ERCC6L2: variants seen among roughly 807,000 people sequenced by gnomAD.
ERCC6L2 encodes the protein ERCC excision repair 6 like 2.
A neutral mutation model predicts 132.0 loss-of-function variants in ERCC6L2; 77 were observed. The ratio of observed to expected loss-of-function variants is 0.58; its 90% CI spans 0.49 to 0.71. The LOEUF is 0.71. Ranked by LOEUF, ERCC6L2 falls within the 30% of genes least tolerant of loss-of-function variation. ERCC6L2 has a pLI of 0.00. For missense variants in ERCC6L2, 1,542 were observed against 1,837.6 expected (o/e 0.84, Z 2.94); for synonymous variants, 583 against 632.4 (o/e 0.92, Z 1.17).
rs1470609524 is a variant in ERCC6L2 at position 95,972,307 on chromosome 9, T to C, written c.2556T>C (p.Asp852=). 1.5e-6 allele frequency: 2 copies of C among 1,295,886 alleles called. No homozygotes were observed. Among genetic ancestry groups the C allele is most frequent in the East Asian group, 1.1e-4 (2 of 17,982 alleles). The allele number at this position is 1,295,886 out of a possible 1,614,324, so 80.3% of individuals were successfully genotyped here. A position where few individuals can be genotyped will look rare whatever the true frequency, so the allele number is the denominator to read the frequency against. ...SLGTSKHQKL[D]NILNPKEKHI... ...GTACTTCAAAACATCAGAAATTAGA[T>C]AACATCCTAAATCCAAAAGAAAAGC... is the stretch of plus-strand genomic sequence containing the variant. Residue 852 remains aspartate, a synonymous_variant, in exon 16 of 19, where the codon GAT becomes GAC. Coordinates refer to ENST00000653738, the MANE Select transcript of ERCC6L2 (RefSeq NM_020207.7).
At chr9:96,027,635 C>CCCGT (rs1196221895) in intron 19 of ERCC6L2, 1 of 152,598 alleles carries the variant, frequency 6.6e-6, no homozygotes, top group Non-Finnish European at 1.5e-5. Flanking sequence ...CCAGCGCCCA[C>CCCGT]CCGTCCCCCC....
intron 13 of ERCC6L2, among the ~76,000 whole-genome samples, chr9:95,958,973 A>G (rs1275581201): frequency 2.6e-5 from 4 of 151,172 alleles, no homozygotes; most frequent in East Asian, 2.0e-4. Flanking sequence ...TATAGATTCA[A>G]TGCCATCCCC....
chr9:96,018,540 A>C (rs1391926966), downstream of ERCC6L2, among the ~76,000 whole-genome samples: 2 of 151,906 alleles, frequency 1.3e-5, no homozygotes, highest in Non-Finnish European at 2.9e-5. Flanking sequence ...AGCTCACTGC[A>C]GCCTCGACCT....
rs537240250 is a variant in ERCC6L2, at chr9:95,986,799, A to C, written c.3492+8584A>C. Among the ~76,000 whole-genome samples, 78 of 152,268 alleles carry C rather than the reference A, an allele frequency of 5.1e-4. 1 individual carries two copies. In the South Asian group the frequency reaches 0.015, roughly 29 times the overall value. Reference sequence around the variant, plus strand: ...GGCACAAGCCACCATGCCCAGCCTTATCTCTCTCCTTTTGTCAGGTATATT... The same window carrying C: ...GGCACAAGCCACCATGCCCAGCCTTCTCTCTCTCCTTTTGTCAGGTATATT... On this transcript the variant is annotated intron_variant, in intron 17 of 18. Coordinates refer to ENST00000653738, the MANE Select transcript of ERCC6L2 (RefSeq NM_020207.7).
chr9:95,976,305 T>C (rs1832669267), intron 16 of ERCC6L2, among the ~76,000 whole-genome samples: 1 of 152,120 alleles, frequency 6.6e-6, no homozygotes, highest in Non-Finnish European at 1.5e-5. Context: ...TTTTCCTCTT[T>C]ATTGGGCCCT....
intron 11 of ERCC6L2, among the ~76,000 whole-genome samples, chr9:95,940,193 C>T (rs538183259): frequency 6.8e-4 from 104 of 152,324 alleles, no homozygotes; most frequent in Non-Finnish European, 1.2e-3. Flanking sequence ...CATCCTCATT[C>T]AGCCTTTGCT....
chr9:95,891,986 A>G lies in ERCC6L2; in HGVS notation c.472-5863A>G, dbSNP rs554430097. On this transcript the variant is annotated intron_variant, in intron 2 of 18. Transcript: ENST00000653738. ...ATTTGCAAATATTTTCTCTCATTCT[A>G]TAGTTGTCTTTTTATTTGCTTGTTA... is the stretch of plus-strand genomic sequence containing the variant. 2.0e-4 allele frequency among the ~76,000 whole-genome samples: 31 copies of G among 152,168 alleles called. 1 individual carries two copies. The highest frequency in any genetic ancestry group is 1.2e-3 in the South Asian group (6 of 4,822).
chr9:96,033,251 GT>G (rs10638463), intron 19 of ERCC6L2, among the ~76,000 whole-genome samples: 66 of 147,748 alleles, frequency 4.5e-4, no homozygotes, highest in South Asian at 1.3e-3. Context: ...ATTCTGGGTT[GT>G]TTTTTTTTTT....
chr9:95,990,711 G>T (rs569536834), intron 17 of ERCC6L2, among the ~76,000 whole-genome samples: 116 of 152,248 alleles, frequency 7.6e-4, no homozygotes, highest in African/African-American at 2.7e-3. Context: ...CAGGCTCTGT[G>T]AGGGCCCTGC....
rs1834133689 is a variant in ERCC6L2 at position 96,014,381 on chromosome 9, T to C, written c.*1178T>C. ...AGAGGGCTTCCGTGTACTCAGGATG[T>C]AGAGTCATTGCTCAGAAGTGAACAA... On this transcript the variant is annotated 3_prime_UTR_variant, in exon 19 of 19. Transcript: ENST00000653738. 6.6e-6 allele frequency: 1 copy of C among 152,234 alleles called. No individual in the cohort carries two copies. The highest frequency in any genetic ancestry group is 1.5e-5 in the Non-Finnish European group (1 of 68,050). The allele number at this position is 152,234 out of a possible 1,614,324, so 9.4% of individuals were successfully genotyped here.
intron 17 of ERCC6L2, among the ~76,000 whole-genome samples, chr9:95,986,238 T>A (rs1833089527): frequency 1.3e-5 from 2 of 152,208 alleles, no homozygotes; most frequent in Admixed American, 1.3e-4. Flanking sequence ...CATCAAAAAT[T>A]GGGCTATATA....
Position 95,972,213 on chromosome 9 carries a change from A to T in ERCC6L2, c.2462A>T (p.Asp821Val). 7.7e-7 allele frequency: 1 copy of T among 1,304,246 alleles called. No individual in the cohort carries two copies. The highest frequency in any genetic ancestry group is 1.2e-5 in the South Asian group (1 of 81,024). The allele number at this position is 1,304,246 out of a possible 1,614,324, so 80.8% of individuals were successfully genotyped here. The part of the protein sequence containing the change: ...GNTASDDESS[D>V]EQPTCLSTEA... ...ACTGCCTCTGATGATGAAAGTTCTG[A>T]TGAGCAGCCCACATGCCTTTCAACA... The change falls in exon 16 of 19, where the codon GAT (aspartate) becomes GTT (valine). Residue 821 changes from aspartate to valine, a missense_variant. Asp to Val is a radical substitution (Grantham distance 152). This residue lies in a region of ERCC6L2 where 945 missense variants were observed against 1,105.2 expected (regional missense o/e 0.86). Transcript: ENST00000653738.
intron 19 of ERCC6L2, among the ~76,000 whole-genome samples, chr9:96,034,596 T>A (rs1478525950): frequency 1.3e-5 from 2 of 152,268 alleles, no homozygotes; most frequent in East Asian, 3.9e-4. Context: ...GCAAGTGAGA[T>A]GTAGAGGCCT....
At chr9:95,964,493 C>G (rs1000097738) in intron 13 of ERCC6L2, among the ~76,000 whole-genome samples, 2 of 152,114 alleles carry the variant, frequency 1.3e-5, no homozygotes, top group Non-Finnish European at 2.9e-5. Flanking sequence ...GTCAGATGTG[C>G]ACATCTTCAT....
At chr9:95,950,810 A>G (rs1205577382) in intron 12 of ERCC6L2, among the ~76,000 whole-genome samples, 2 of 152,202 alleles carry the variant, frequency 1.3e-5, no homozygotes, top group African/African-American at 2.4e-5. Context: ...TCAACAAACA[A>G]TAGAGCCCCA....
rs1442994230 is a variant in ERCC6L2, at chr9:95,972,275, T to A, written c.2524T>A (p.Ser842Thr). 2.3e-6 allele frequency: 3 copies of A among 1,303,442 alleles called. No homozygotes were observed. The East Asian group carries it at 1.7e-4, about 72-fold the overall frequency. The allele number at this position is 1,303,442 out of a possible 1,614,324, so 80.7% of individuals were successfully genotyped here. The change falls in exon 16 of 19, where the codon TCT (serine) becomes ACT (threonine). Residue 842 changes from serine (S) to threonine (T), a missense_variant. This residue lies in a region of ERCC6L2 where 945 missense variants were observed against 1,105.2 expected (regional missense o/e 0.86). Coordinates refer to ENST00000653738, the MANE Select transcript of ERCC6L2 (RefSeq NM_020207.7). ...KDAGCEKNQDSLGTSKHQKLD... is the reference protein window; with the variant it reads ...KDAGCEKNQDTLGTSKHQKLD... ...TGCTGGTTGTGAGAAAAATCAGGACTCTCTTGGTACTTCAAAACATCAGAA... is the reference window on the plus strand; with the variant it reads ...TGCTGGTTGTGAGAAAAATCAGGACACTCTTGGTACTTCAAAACATCAGAA...
At chr9:96,037,239 G>A (rs772921456) in intron 19 of ERCC6L2, among the ~76,000 whole-genome samples, 22 of 152,352 alleles carry the variant, frequency 1.4e-4, no homozygotes, top group Non-Finnish European at 1.8e-4. Flanking sequence ...CCGTCCCTGT[G>A]CGTGGAGAGG....
chr9:95,973,059 A>G lies in ERCC6L2; in HGVS notation c.3308A>G (p.Gln1103Arg). The change falls in exon 16 of 19, where the codon CAG becomes CGG. Residue 1103 changes from glutamine to arginine, a missense_variant. By Grantham distance (43) the Gln-to-Arg change is conservative (BLOSUM62 1). This residue lies in a region of ERCC6L2 where 442 missense variants were observed against 583.4 expected (regional missense o/e 0.76). Coordinates refer to ENST00000653738, the MANE Select transcript of ERCC6L2 (RefSeq NM_020207.7). ...AATGAGAAAGTTGTTAATCAAGAGC[A>G]GTCGTATGAATCAATGGATAAATTT... Reference protein sequence around the residue: ...CSNEKVVNQEQSYESMDKFLD... With the variant: ...CSNEKVVNQERSYESMDKFLD... 1 of 1,355,228 alleles carries G rather than the reference A, an allele frequency of 7.4e-7. No homozygotes were observed. Among genetic ancestry groups the G allele is most frequent in the Non-Finnish European group, 9.8e-7 (1 of 1,017,516 alleles). 84.0% of individuals were successfully genotyped at this position (1,355,228 alleles called of 1,614,324 possible). A position where few individuals can be genotyped will look rare whatever the true frequency, so the allele number is the denominator to read the frequency against.
intron 17 of ERCC6L2, among the ~76,000 whole-genome samples, chr9:95,993,838 C>T (rs1252427483): frequency 1.3e-5 from 2 of 152,188 alleles, no homozygotes; most frequent in Non-Finnish European, 2.9e-5. Context: ...CTCCCTCTCT[C>T]CCCAGAAAAG....
Sources: gnomAD v4.1 joint callset for allele counts (sites outside exome capture counted in the v4.1 genomes callset) on GRCh38, gnomAD v4.1.1 for gene constraint, gnomAD v4.1.1 regional missense constraint, MANE v1.5 for transcripts, NCBI Gene and HGNC (gene_info 2026-07-23, HGNC 2026-07-21) for gene names.